The following RAB11B variants were observed in gnomAD, a reference collection of about 807,000 sequenced individuals.
The protein encoded by RAB11B is RAB11B, member RAS oncogene family, also known as ras-related protein Rab-11B.
RAB11B carries 7 observed loss-of-function variants against 23.7 expected under a neutral mutation model. The observed-to-expected ratio is 0.29, with a 90% confidence interval of 0.17 to 0.55. The LOEUF is 0.55. RAB11B is among the 20% of genes least tolerant of loss of function. The probability of loss-of-function intolerance (pLI) is 0.93; values close to 1 mark genes in which losing one functional copy is unlikely to be tolerated. For synonymous variants in RAB11B, 138 were observed against 132.0 expected, an observed-to-expected ratio of 1.05 and a Z score of -0.31; for missense variants, 189 against 320.0, an observed-to-expected ratio of 0.59 and a Z score of 3.12.
At chr19:8,398,959 A>T (rs541010570) in intron 1 of RAB11B, among the ~76,000 whole-genome samples, 3,330 of 138,782 alleles carry the variant, frequency 0.024, 99 homozygotes, top group African/African-American at 0.067. Flanking sequence ...TATTATTATT[A>T]TTTTTTTTTT....
chr19:8,393,000 T>A (rs1971370057), intron 1 of RAB11B, among the ~76,000 whole-genome samples: 1 of 151,652 alleles, frequency 6.6e-6, no homozygotes, highest in Admixed American at 6.6e-5. Flanking sequence ...CATTTTTTTT[T>A]TTTTTTTTGG....
chr19:8,394,030 C>T (rs1363427647), intron 1 of RAB11B, among the ~76,000 whole-genome samples: 1 of 152,198 alleles, frequency 6.6e-6, no homozygotes, highest in Non-Finnish European at 1.5e-5. Context: ...CTCTTTATTT[C>T]CCCAAGACAA....
Position 8,396,096 on chromosome 19 carries a change from C to G in RAB11B, c.41-3767C>G, listed in dbSNP as rs539911756. On this transcript the variant is annotated intron_variant, in intron 1 of 4. Transcript: ENST00000328024. The surrounding 1 kb of genome is among the most constrained non-coding windows in gnomAD (Gnocchi z 5.0). ...AAAAATGGGCTACAGGAGGCTTCTGCGAAGTAACGCACATCAAGAGCTTTG... is the reference window on the plus strand; with the variant it reads ...AAAAATGGGCTACAGGAGGCTTCTGGGAAGTAACGCACATCAAGAGCTTTG... Among the ~76,000 whole-genome samples, 10 of 152,320 alleles carry G rather than the reference C, an allele frequency of 6.6e-5. No individual in the cohort carries two copies. The highest frequency in any genetic ancestry group is 4.1e-4 in the South Asian group (2 of 4,824).
In RAB11B at chr19:8,402,609, A is replaced by C. The variant is rs1016863009; in HGVS notation, c.511+44A>C. ...GGTGTGGGTAGGGCACCAGCCAGGC[A>C]GGGTGGAACACGGCCTCTGAACCTT... is the stretch of plus-strand genomic sequence containing the variant. On this transcript the variant is annotated intron_variant, in intron 4 of 4. Coordinates refer to ENST00000328024, the MANE Select transcript of RAB11B (RefSeq NM_004218.4). The C allele has an allele frequency of 4.2e-6, 6 of 1,431,936 alleles. No individual in the cohort carries two copies. The Middle Eastern group carries it at 5.3e-4, about 127-fold the overall frequency. 88.7% of individuals were successfully genotyped at this position (1,431,936 alleles called of 1,614,324 possible).
intron 2 of RAB11B, 150 bp downstream of exon 2, chr19:8,400,208 A>G (rs1971426775): frequency 2.1e-6 from 2 of 974,594 alleles, no homozygotes; most frequent in South Asian, 3.2e-5. Context: ...CGCTTTAGCC[A>G]TGCGCCGTGG....
chr19:8,395,271 CTTTTTTT>C (rs201774881), intron 1 of RAB11B, among the ~76,000 whole-genome samples: 1 of 94,076 alleles, frequency 1.1e-5, no homozygotes. Context: ...TTCCATCTTT[CTTTTTTT>C]TTTTTTTTTT....
intron 1 of RAB11B, among the ~76,000 whole-genome samples, chr19:8,390,969 C>A (rs1334101724): frequency 9.5e-6 from 1 of 104,890 alleles, no homozygotes; most frequent in African/African-American, 3.7e-5. Flanking sequence ...GCGGGGCAGG[C>A]AATGGGGGCT....
intron 1 of RAB11B, among the ~76,000 whole-genome samples, chr19:8,397,121 G>T (rs1971403255): frequency 6.6e-6 from 1 of 152,208 alleles, no homozygotes; most frequent in Admixed American, 6.5e-5. Flanking sequence ...AGTTAACCAA[G>T]ATAAGGAGGG....
In RAB11B at chr19:8,396,122, T is replaced by C. The variant is rs1717961458; in HGVS notation, c.41-3741T>C. ...GAAGTAACGCACATCAAGAGCTTTG[T>C]TAGCACAAGCTCATCGAATATTCTC... On this transcript the variant is annotated intron_variant, in intron 1 of 4. Coordinates refer to ENST00000328024, the MANE Select transcript of RAB11B (RefSeq NM_004218.4). The surrounding 1 kb of genome is among the most constrained non-coding windows in gnomAD (Gnocchi z 5.0). Among the ~76,000 whole-genome samples, 1 of 152,224 alleles carries C rather than the reference T, an allele frequency of 6.6e-6. No individual in the cohort carries two copies. The highest frequency in any genetic ancestry group is 2.4e-5 in the African/African-American group (1 of 41,466).
intron 1 of RAB11B, 48 bp downstream of exon 1, chr19:8,390,504 C>A: frequency 2.0e-6 from 3 of 1,466,126 alleles, no homozygotes; most frequent in Non-Finnish European, 2.7e-6. Flanking sequence ...GGCGAGGCGG[C>A]GGGCAGACGG....
Position 8,403,732 on chromosome 19 carries a change from C to T in RAB11B, c.*174C>T. 1.1e-6 allele frequency: 1 copy of T among 925,916 alleles called. No individual in the cohort carries two copies. Among genetic ancestry groups the T allele is most frequent in the South Asian group, 2.0e-5 (1 of 48,928 alleles). The allele number at this position is 925,916 out of a possible 1,614,324, so 57.4% of individuals were successfully genotyped here. A position where few individuals can be genotyped will look rare whatever the true frequency, so the allele number is the denominator to read the frequency against. ...AGGAGCCAGTGCTACCCCGTCCTGCCCGGGGAAAAGCTAGAAGCCCCGGTT... is the reference window on the plus strand; with the variant it reads ...AGGAGCCAGTGCTACCCCGTCCTGCTCGGGGAAAAGCTAGAAGCCCCGGTT... On this transcript the variant is annotated 3_prime_UTR_variant, in exon 5 of 5. Transcript: ENST00000328024.
In RAB11B at chr19:8,401,908, G is replaced by A. The variant is rs11670119; in HGVS notation, c.237-178G>A. Among the ~76,000 whole-genome samples the A allele has an allele frequency of 0.29, 43,765 of 151,906 alleles. 6,658 individuals carry two copies. Among genetic ancestry groups the A allele is most frequent in the East Asian group, 0.58 (2,996 of 5,124 alleles). On this transcript the variant is annotated intron_variant, in intron 2 of 4. Transcript: ENST00000328024. Reference sequence around the variant, plus strand: ...CTCAGACCCCCACATTTCAGAGCTGGATCCAGGGAGCAGCGCTGGGGCCTC... The same window carrying A: ...CTCAGACCCCCACATTTCAGAGCTGAATCCAGGGAGCAGCGCTGGGGCCTC...
At chr19:8,402,665 C>CTTTTTGTTTTTTAA in intron 4 of RAB11B, 100 bp downstream of exon 4, 1 of 1,002,276 alleles carries the variant, frequency 1.0e-6, no homozygotes, top group Non-Finnish European at 1.5e-6. Context: ...TTGTTTTTTT[C>CTTTTTGTTTTTTAA]TTTTTTTTGT....
At position 8,403,490 on chromosome 19, in the gene RAB11B, G is replaced by T; in HGVS notation, c.589G>T (p.Asp197Tyr). Residue 197 changes from aspartate (D) to tyrosine (Y), a missense_variant, in exon 5 of 5, where the codon GAC becomes TAC. Physicochemically the swap from Asp to Tyr is radical, Grantham distance 160. Transcript: ENST00000328024. ...HDESPGNNVV[D>Y]ISVPPTTDGQ... is the part of the protein sequence containing the mutation. Reference sequence around the variant, plus strand: ...CGAGTCCCCGGGGAACAACGTGGTGGACATCAGCGTGCCGCCCACCACGGA... The same window carrying T: ...CGAGTCCCCGGGGAACAACGTGGTGTACATCAGCGTGCCGCCCACCACGGA... 6.2e-7 allele frequency: 1 copy of T among 1,613,896 alleles called. No homozygotes were observed. The highest frequency in any genetic ancestry group is 8.5e-7 in the Non-Finnish European group (1 of 1,179,828).
intron 2 of RAB11B, 181 bp downstream of exon 2, chr19:8,400,239 C>T: frequency 3.9e-6 from 3 of 764,528 alleles, no homozygotes; most frequent in Non-Finnish European, 6.2e-6. Flanking sequence ...CTGACCAGCG[C>T]CCAGCCTTCG....
Position 8,400,071 on chromosome 19 carries a change from A to C in RAB11B, c.236+13A>C. On this transcript the variant is annotated intron_variant, in intron 2 of 4. Transcript: ENST00000328024. The stretch of plus-strand genomic sequence containing the variant: ...CCATCACCTCCGCGTGCGTGTCGGC[A>C]GCCTGGGCAGGGACGCTGAGATTCG... 1 of 1,605,796 alleles carries C rather than the reference A, an allele frequency of 6.2e-7. No individual in the cohort carries two copies. The highest frequency in any genetic ancestry group is 8.5e-7 in the Non-Finnish European group (1 of 1,173,194).
intron 1 of RAB11B, among the ~76,000 whole-genome samples, chr19:8,391,016 G>A (rs1181107472): frequency 6.6e-6 from 1 of 152,080 alleles, no homozygotes; most frequent in Non-Finnish European, 1.5e-5. Flanking sequence ...GGTGTGTGGT[G>A]GTGGGAGCCT....
intron 2 of RAB11B, 111 bp downstream of exon 2, chr19:8,400,169 C>A (rs1971426511): frequency 7.7e-7 from 1 of 1,293,106 alleles, no homozygotes. Flanking sequence ...AGAGTGTGCT[C>A]CCAAGACCAG....
At chr19:8,395,897 G>A (rs1425229751) in intron 1 of RAB11B, among the ~76,000 whole-genome samples, 2 of 152,212 alleles carry the variant, frequency 1.3e-5, no homozygotes, top group Non-Finnish European at 2.9e-5. Flanking sequence ...GACTGTGGAT[G>A]CAGAAGACCT....
Sources: gnomAD v4.1 joint callset for allele counts (sites outside exome capture counted in the v4.1 genomes callset) on GRCh38, gnomAD v4.1.1 for gene constraint, Gnocchi (gnomAD v3.1) non-coding constraint, MANE v1.5 for transcripts, NCBI Gene and HGNC (gene_info 2026-07-23, HGNC 2026-07-21) for gene names.